Variants in ANKS1B observed in about 807,000 individuals in gnomAD.
ANKS1B encodes the protein ankyrin repeat and sterile alpha motif domain containing 1B, also known as ankyrin repeat and sterile alpha motif domain-containing protein 1B.
Under a neutral mutation model 148.3 loss-of-function variants are expected in ANKS1B, and 36 were observed. The observed-to-expected ratio is 0.24, with a 90% CI of 0.19 to 0.32. The LOEUF (loss-of-function observed/expected upper bound fraction) is 0.32, where lower values mean the gene tolerates loss of function less well. ANKS1B is among the 10% of genes least tolerant of loss of function. ANKS1B has a pLI of 1.00. For synonymous variants in ANKS1B, 542 were observed against 560.8 expected (o/e 0.97, Z 0.47); for missense variants, 1,157 against 1,542.6 (o/e 0.75, Z 4.19).
chr12:99,856,715 G>A (rs985018644), intron 1 of ANKS1B, among the ~76,000 whole-genome samples: 10 of 151,910 alleles, frequency 6.6e-5, no homozygotes, highest in African/African-American at 2.4e-4. Flanking sequence ...CGAGGGATGC[G>A]GGGACGGTTT....
At chr12:98,759,404 T>C (rs1041246869) in intron 25 of ANKS1B, among the ~76,000 whole-genome samples, 1 of 152,090 alleles carries the variant, frequency 6.6e-6, no homozygotes, top group African/African-American at 2.4e-5. Flanking sequence ...AAGACTCTCA[T>C]TACATCCAGA....
chr12:99,316,133 G>A (rs556815728), intron 12 of ANKS1B, among the ~76,000 whole-genome samples: 3 of 152,230 alleles, frequency 2.0e-5, no homozygotes, highest in East Asian at 1.9e-4. Context: ...ATAAACATAC[G>A]TGTGCATGTG....
rs2099967232 is a variant in ANKS1B, at chr12:99,052,951, C to T, written c.2778+206G>A. 2.0e-5 allele frequency among the ~76,000 whole-genome samples: 3 copies of T among 151,922 alleles called. No individual in the cohort carries two copies. In the South Asian group the frequency reaches 6.2e-4, roughly 32 times the overall value. On this transcript the variant is annotated intron_variant, in intron 17 of 26. Coordinates refer to ENST00000683438, the MANE Select transcript of ANKS1B (RefSeq NM_001352186.2). ...AGATTTTCTTGGATAATGCAAAATA[C>T]CCTGGGAGTTCTCTCTTTACCTCTT...
At chr12:98,948,771 C>G (rs910060366) in intron 17 of ANKS1B, among the ~76,000 whole-genome samples, 2 of 146,604 alleles carry the variant, frequency 1.4e-5, no homozygotes, top group African/African-American at 5.3e-5. Context: ...ACCCACACCC[C>G]CCCCCACACA....
At chr12:98,783,902 G>A (rs2098762572) in intron 22 of ANKS1B, among the ~76,000 whole-genome samples, 1 of 152,170 alleles carries the variant, frequency 6.6e-6, no homozygotes, top group Non-Finnish European at 1.5e-5. Flanking sequence ...GATGCAGGGA[G>A]TCAGGAAGTT....
chr12:99,633,742 C>T (rs1335968997), intron 9 of ANKS1B, among the ~76,000 whole-genome samples: 1 of 152,122 alleles, frequency 6.6e-6, no homozygotes, highest in Non-Finnish European at 1.5e-5. Context: ...ACTCATCTGA[C>T]AAAGGGCTAA....
chr12:99,928,266 A>ATTTTTTT (rs1355468782), intron 1 of ANKS1B, among the ~76,000 whole-genome samples: 5 of 81,088 alleles, frequency 6.2e-5, no homozygotes, highest in African/African-American at 3.1e-4. Context: ...ATTTTATTTT[A>ATTTTTTT]TTTTATTTTT....
At chr12:99,776,581 A>G (rs189061305) in intron 6 of ANKS1B, among the ~76,000 whole-genome samples, 2 of 152,356 alleles carry the variant, frequency 1.3e-5, no homozygotes, top group East Asian at 1.9e-4. Context: ...CCAGAGAACA[A>G]ATGACCAATC....
At chr12:99,098,985 C>A (rs1366101949) in intron 15 of ANKS1B, among the ~76,000 whole-genome samples, 1 of 152,094 alleles carries the variant, frequency 6.6e-6, no homozygotes, top group Non-Finnish European at 1.5e-5. Flanking sequence ...CACCTTAGAT[C>A]ATGGGAGGTC....
At chr12:99,714,273 G>C (rs1277796181) in intron 8 of ANKS1B, among the ~76,000 whole-genome samples, 2 of 151,948 alleles carry the variant, frequency 1.3e-5, no homozygotes, top group African/African-American at 2.4e-5. Flanking sequence ...AAGAACCCTT[G>C]TGATTTGTCT....
chr12:99,488,503 T>C (rs910848692), intron 10 of ANKS1B, among the ~76,000 whole-genome samples: 1 of 152,182 alleles, frequency 6.6e-6, no homozygotes, highest in Non-Finnish European at 1.5e-5. Flanking sequence ...TTAACAAAAA[T>C]AAAAATTATT....
At chr12:99,641,064 T>G (rs978655841) in intron 9 of ANKS1B, among the ~76,000 whole-genome samples, 1 of 150,396 alleles carries the variant, frequency 6.6e-6, no homozygotes, top group Non-Finnish European at 1.5e-5. Context: ...TCTGAGCACA[T>G]ACAAATTAAC....
intron 17 of ANKS1B, among the ~76,000 whole-genome samples, chr12:99,043,302 A>C (rs946543880): frequency 6.6e-6 from 1 of 152,218 alleles, no homozygotes; most frequent in East Asian, 1.9e-4. Context: ...CATTTTGTTA[A>C]ATAGTTTTAG....
chr12:99,039,304 A>G (rs544306089), intron 17 of ANKS1B, among the ~76,000 whole-genome samples: 36 of 152,344 alleles, frequency 2.4e-4, no homozygotes, highest in African/African-American at 8.7e-4. Flanking sequence ...ACAGTCAAGT[A>G]GGTCGCTGAA....
At chr12:98,933,578 TG>T (rs2099815691) in intron 17 of ANKS1B, among the ~76,000 whole-genome samples, 1 of 152,284 alleles carries the variant, frequency 6.6e-6, no homozygotes, top group East Asian at 1.9e-4. Flanking sequence ...ACATCTATAC[TG>T]CTTTTCATAG....
chr12:99,124,616 G>A (rs1372990223), intron 15 of ANKS1B, among the ~76,000 whole-genome samples: 3 of 152,120 alleles, frequency 2.0e-5, no homozygotes, highest in East Asian at 3.9e-4. Flanking sequence ...GTTTATAGAT[G>A]TAATGTAAGC....
chr12:99,484,080 C>G (rs1264776178), intron 10 of ANKS1B, among the ~76,000 whole-genome samples: 2 of 151,848 alleles, frequency 1.3e-5, no homozygotes, highest in Non-Finnish European at 2.9e-5. Context: ...CCTTGAGATA[C>G]AACATAAGGT....
intron 8 of ANKS1B, among the ~76,000 whole-genome samples, chr12:99,715,729 C>CA (rs1212242891): frequency 2.0e-5 from 3 of 152,168 alleles, no homozygotes; most frequent in Non-Finnish European, 4.4e-5. Flanking sequence ...AGGAACATCT[C>CA]ACCAATTTTA....
intron 9 of ANKS1B, among the ~76,000 whole-genome samples, chr12:99,622,809 C>A (rs898997491): frequency 5.3e-5 from 8 of 151,932 alleles, no homozygotes; most frequent in African/African-American, 1.9e-4. Context: ...CTAAATTCTA[C>A]CAGACATGCA....
Sources: allele counts gnomAD v4.1 joint callset (sites outside exome capture counted in the v4.1 genomes callset), GRCh38; gene constraint gnomAD v4.1.1; transcripts MANE v1.5; gene names NCBI Gene and HGNC (gene_info 2026-07-23, HGNC 2026-07-21).